Variants in MRE11 observed in about 807,000 individuals in gnomAD.
MRE11 encodes the protein MRE11 double strand break repair nuclease, also known as double-strand break repair protein MRE11.
MRE11 carries 62 observed loss-of-function variants against 91.7 expected under a neutral mutation model. The observed-to-expected ratio is 0.68, with a 90% CI of 0.55 to 0.84. MRE11 has a LOEUF of 0.84. Ranked by LOEUF, MRE11 falls within the 40% of genes least tolerant of loss-of-function variation. The pLI, the probability that MRE11 is intolerant of heterozygous loss-of-function variation, is 0.00. For missense variants in MRE11, 796 were observed against 852.9 expected, an observed-to-expected ratio of 0.93 and a Z score of 0.83; for synonymous variants, 273 against 271.4, an observed-to-expected ratio of 1.01 and a Z score of -0.06.
At chr11:94,496,718 G>T, upstream of MRE11, 1 of 1,586,842 alleles carries the variant, frequency 6.3e-7, no homozygotes, top group Non-Finnish European at 8.6e-7. Context: ...AGGAAATGAT[G>T]ATGGAATACC....
chr11:94,500,455 T>C, the MRE11 span, among the ~76,000 whole-genome samples: 46 of 152,340 alleles, frequency 3.0e-4, no homozygotes, highest in Admixed American at 9.1e-4. Flanking sequence ...CAGAAGGCAG[T>C]CACTAATCGT....
chr11:94,438,507 C>T (rs1404562937), intron 16 of MRE11, among the ~76,000 whole-genome samples: 1 of 152,124 alleles, frequency 6.6e-6, no homozygotes, highest in Non-Finnish European at 1.5e-5. Context: ...CTAGACAGAG[C>T]AACTGAATAA....
intron 6 of MRE11, among the ~76,000 whole-genome samples, chr11:94,478,134 G>A (rs549513941): frequency 6.6e-6 from 1 of 152,114 alleles, no homozygotes; most frequent in Non-Finnish European, 1.5e-5. Flanking sequence ...ATGGATGACT[G>A]GAGAGATGTG....
rs1945020985 is a variant in MRE11 at position 94,415,785 on chromosome 11, G to C, written c.*4340C>G. ...TTTGAAAAGGGGGCTAAAACATGTA[G>C]CTATACAATCTGGGGTTCTTATCGA... is the stretch of plus-strand genomic sequence containing the variant. On this transcript the variant is annotated 3_prime_UTR_variant, in exon 20 of 20. Coordinates refer to ENST00000323929, the MANE Select transcript of MRE11 (RefSeq NM_005591.4). 1.3e-5 allele frequency: 2 copies of C among 152,232 alleles called. No individual in the cohort carries two copies. 9.4% of individuals were successfully genotyped at this position (152,232 alleles called of 1,614,324 possible). A position where few individuals can be genotyped will look rare whatever the true frequency, so the allele number is the denominator to read the frequency against.
chr11:94,456,362 C>T (rs751916798), intron 13 of MRE11, 24 bp from the exon 14 acceptor site: 3 of 1,574,296 alleles, frequency 1.9e-6, no homozygotes, highest in East Asian at 4.5e-5. Flanking sequence ...GAGTAAATCA[C>T]AAACATGTTG....
At chr11:94,430,068 C>A in intron 18 of MRE11, 82 bp from the exon 19 acceptor site, 1 of 1,254,384 alleles carries the variant, frequency 8.0e-7, no homozygotes, top group South Asian at 1.2e-5. Context: ...TTTTTCAATC[C>A]AGCAGCTGCC....
chr11:94,458,539 T>C (rs1946324077), intron 13 of MRE11, among the ~76,000 whole-genome samples: 1 of 152,148 alleles, frequency 6.6e-6, no homozygotes, highest in Admixed American at 6.5e-5. Flanking sequence ...TGAACAACAC[T>C]AAGATGAATC....
chr11:94,504,647 C>T, the MRE11 span, among the ~76,000 whole-genome samples: 4 of 152,040 alleles, frequency 2.6e-5, no homozygotes, highest in Non-Finnish European at 4.4e-5. Flanking sequence ...TCTACTTTTC[C>T]GAAGAAAAAC....
chr11:94,437,309 C>A, intron 16 of MRE11, 74 bp from the exon 17 acceptor site: 2 of 1,439,552 alleles, frequency 1.4e-6, no homozygotes, highest in South Asian at 1.2e-5. Flanking sequence ...ACTTCTTTAG[C>A]TAAAGATTTT....
the MRE11 span, among the ~76,000 whole-genome samples, chr11:94,501,264 T>C: frequency 3.9e-5 from 6 of 152,192 alleles, no homozygotes; most frequent in African/African-American, 1.4e-4. Flanking sequence ...GTGGAAATGA[T>C]CTAAATCAGT....
rs115859866 is a variant in MRE11, at chr11:94,465,021, T to C, written c.1099-782A>G. 5.8e-3 allele frequency among the ~76,000 whole-genome samples: 878 copies of C among 152,300 alleles called. 5 individuals carry two copies. The highest frequency in any genetic ancestry group is 0.019 in the African/African-American group (796 of 41,568). Reference sequence around the variant, plus strand: ...TTATTTGATATTTGTGTATCATGTCTCTCTTTGCACCTCCACCTCCTGTAA... The same window carrying C: ...TTATTTGATATTTGTGTATCATGTCCCTCTTTGCACCTCCACCTCCTGTAA... On this transcript the variant is annotated intron_variant, in intron 10 of 19. Transcript: ENST00000323929.
chr11:94,467,929 T>C, intron 9 of MRE11, 36 bp from the exon 10 acceptor site: 1 of 1,554,754 alleles, frequency 6.4e-7, no homozygotes, highest in East Asian at 2.2e-5. Context: ...AACAACGTAG[T>C]AAACTGAGTT....
chr11:94,434,538 T>C (rs928857064), intron 18 of MRE11, among the ~76,000 whole-genome samples: 1 of 152,196 alleles, frequency 6.6e-6, no homozygotes, highest in Non-Finnish European at 1.5e-5. Context: ...GAAACACTGA[T>C]ATAAGGCTTT....
intron 7 of MRE11, among the ~76,000 whole-genome samples, chr11:94,472,198 G>T (rs1176927722): frequency 1.3e-5 from 2 of 151,940 alleles, no homozygotes; most frequent in African/African-American, 4.8e-5. Flanking sequence ...TAAATATAAT[G>T]GGAGTAAAAA....
the MRE11 span, among the ~76,000 whole-genome samples, chr11:94,504,984 T>TATAATGGAGCTATAA: frequency 2.6e-5 from 4 of 152,184 alleles, no homozygotes; most frequent in Non-Finnish European, 5.9e-5. Context: ...GAGCTAAAAT[T>TATAATGGAGCTATAA]TCCTATCACC....
intron 4 of MRE11, among the ~76,000 whole-genome samples, chr11:94,481,757 T>C (rs1947019159): frequency 1.3e-5 from 2 of 152,358 alleles, no homozygotes; most frequent in East Asian, 1.9e-4. Flanking sequence ...ACCTATCTAC[T>C]AATTCATGAG....
At chr11:94,434,439 G>A (rs888949131) in intron 18 of MRE11, among the ~76,000 whole-genome samples, 5 of 152,020 alleles carry the variant, frequency 3.3e-5, no homozygotes, top group East Asian at 1.9e-4. Flanking sequence ...AATTTCTAAC[G>A]TTAGGGAGAA....
At chr11:94,436,269 C>T (rs534925999) in intron 17 of MRE11, among the ~76,000 whole-genome samples, 1 of 152,256 alleles carries the variant, frequency 6.6e-6, no homozygotes, top group South Asian at 2.1e-4. Flanking sequence ...AGGTATCAGA[C>T]CATGTGGGAA....
At position 94,417,718 on chromosome 11, in the gene MRE11, A is replaced by G. The variant is rs1945065295; in HGVS notation, c.*2407T>C. The G allele has an allele frequency of 4.3e-6, 1 of 232,906 alleles. No individual in the cohort carries two copies. Among genetic ancestry groups the G allele is most frequent in the Non-Finnish European group, 8.5e-6 (1 of 117,938 alleles). 14.4% of individuals were successfully genotyped at this position (232,906 alleles called of 1,614,324 possible). A position where few individuals can be genotyped will look rare whatever the true frequency, so the allele number is the denominator to read the frequency against. On this transcript the variant is annotated 3_prime_UTR_variant, in exon 20 of 20. Transcript: ENST00000323929. ...GGGATTCCATCAGTGCTCAATTTATAATTATTTATTCAACCATATGACTTT... is the reference window on the plus strand; with the variant it reads ...GGGATTCCATCAGTGCTCAATTTATGATTATTTATTCAACCATATGACTTT...
Sources: allele counts gnomAD v4.1 joint callset (sites outside exome capture counted in the v4.1 genomes callset), GRCh38; gene constraint gnomAD v4.1.1; transcripts MANE v1.5; gene names NCBI Gene and HGNC (gene_info 2026-07-23, HGNC 2026-07-21).